Variants in MYH6 observed in about 807,000 individuals in gnomAD.
MYH6 encodes the protein myosin heavy chain 6.
MYH6 carries 126 observed loss-of-function variants against 223.2 expected under a neutral mutation model. The observed-to-expected ratio is 0.56, with a 90% CI of 0.49 to 0.65. MYH6 has a LOEUF of 0.65. MYH6 is among the 30% of genes least tolerant of loss of function. The probability of loss-of-function intolerance (pLI) is 0.00; values close to 1 mark genes in which losing one functional copy is unlikely to be tolerated. For synonymous variants in MYH6, 978 were observed against 1,010.2 expected (o/e 0.97, Z 0.61); for missense variants, 2,040 against 2,536.4 (o/e 0.80, Z 4.20).
Position 23,398,708 on chromosome 14 carries a change from T to G in MYH6, c.1891+20A>C. On this transcript the variant is annotated intron_variant, in intron 15 of 38. Transcript: ENST00000405093. Reference sequence around the variant, plus strand: ...TGTCTTCAGAAGTCCCCTGGCCCAGTGCAGGGGCTGCCTGCTTACCAGTAT... The same window carrying G: ...TGTCTTCAGAAGTCCCCTGGCCCAGGGCAGGGGCTGCCTGCTTACCAGTAT... 1.2e-6 allele frequency: 2 copies of G among 1,613,636 alleles called. No homozygotes were observed. The highest frequency in any genetic ancestry group is 1.1e-5 in the South Asian group (1 of 91,058).
chr14:23,404,038 T>C (rs923828812), intron 8 of MYH6, among the ~76,000 whole-genome samples: 3 of 152,150 alleles, frequency 2.0e-5, no homozygotes, highest in African/African-American at 7.2e-5. Context: ...CACCTAATCC[T>C]CCCAGTAATC....
In MYH6 at chr14:23,398,715, G is replaced by A. The variant is rs780778691; in HGVS notation, c.1891+13C>T. ...AGAAGTCCCCTGGCCCAGTGCAGGG[G>A]CTGCCTGCTTACCAGTATCGGCAGT... On this transcript the variant is annotated intron_variant, in intron 15 of 38. Transcript: ENST00000405093. 5.6e-6 allele frequency: 9 copies of A among 1,613,816 alleles called. No individual in the cohort carries two copies. The highest frequency in any genetic ancestry group is 7.6e-6 in the Non-Finnish European group (9 of 1,179,804).
In MYH6 at chr14:23,392,658, G is replaced by T; in HGVS notation, c.3252-6C>A. On this transcript the variant is annotated splice_polypyrimidine_tract_variant and splice_region_variant and intron_variant, in intron 24 of 38. Transcript: ENST00000405093. ...GATTAATGTCAAACTCCTTCCTGCA[G>T]GAGAAGGGTGGGGGTGGGGGAGTGA... The T allele has an allele frequency of 7.0e-7, 1 of 1,429,810 alleles. No individual in the cohort carries two copies. The allele number at this position is 1,429,810 out of a possible 1,614,324, so 88.6% of individuals were successfully genotyped here.
chr14:23,387,427 A>G (rs1891063432), intron 32 of MYH6, 102 bp downstream of exon 32: 1 of 1,559,574 alleles, frequency 6.4e-7, no homozygotes. Context: ...AGAATATGGA[A>G]TGAATAGATT....
chr14:23,390,477 C>T (rs774806658), intron 25 of MYH6, 31 bp from the exon 26 acceptor site: 60 of 1,607,412 alleles, frequency 3.7e-5, no homozygotes, highest in Middle Eastern at 1.7e-4. Context: ...TCAGACCCAC[C>T]GCCTGGACCC....
At position 23,386,022 on chromosome 14, in the gene MYH6, A is replaced by G. The variant is rs1421693475; in HGVS notation, c.5069T>C (p.Leu1690Pro). The G allele has an allele frequency of 1.2e-6, 2 of 1,614,144 alleles. No individual in the cohort carries two copies. Among genetic ancestry groups the G allele is most frequent in the Admixed American group, 1.7e-5 (1 of 60,020 alleles). ...NNLLQAELEE[L>P]RAVVEQTERS... ...CTCTGTCTGCTCCACCACGGCACGCAGCTCCTCCAGCTCAGCCTGCAGCAG... is the reference window on the plus strand; with the variant it reads ...CTCTGTCTGCTCCACCACGGCACGCGGCTCCTCCAGCTCAGCCTGCAGCAG... The change falls in exon 34 of 39, where the codon CTG (leucine) becomes CCG (proline). Residue 1690 changes from leucine (L) to proline (P), a missense_variant. Physicochemically the swap from Leu to Pro is moderately conservative, Grantham distance 98 (BLOSUM62 -3). Around this residue, in one of 4 missense-constraint regions of MYH6, gnomAD observed 1,203 missense variants for 1,400.2 expected, o/e 0.86. Coordinates refer to ENST00000405093, the MANE Select transcript of MYH6 (RefSeq NM_002471.4).
chr14:23,404,861 A>G (rs377483248), intron 6 of MYH6, 39 bp from the exon 7 acceptor site: 27 of 1,584,868 alleles, frequency 1.7e-5, no homozygotes, highest in Non-Finnish European at 2.3e-5. Context: ...CAGGATTCCT[A>G]CTGTTCTCCA....
chr14:23,389,369 C>T (rs370602992), intron 28 of MYH6, 24 bp downstream of exon 28: 8 of 1,611,120 alleles, frequency 5.0e-6, no homozygotes, highest in African/African-American at 1.3e-5. Context: ...ATCAAGCCTG[C>T]CCACCCTCCC....
In MYH6 at chr14:23,397,215, G is replaced by A; in HGVS notation, c.2005C>T (p.Pro669Ser). ...GGGATGATGCAACGCACAAAGTGAG[G>A]ATGGGTGGTCCTCAGGTTGGTCATT... ...KLMTNLRTTHPHFVRCIIPNE... is the reference protein window; with the variant it reads ...KLMTNLRTTHSHFVRCIIPNE... The change falls in exon 17 of 39, where the codon CCT (proline) becomes TCT (serine). Residue 669 changes from proline (P) to serine (S), a missense_variant. By Grantham distance (74) the Pro-to-Ser change is moderately conservative. This residue lies in a region of MYH6 where 649 missense variants were observed against 877.3 expected (regional missense o/e 0.74). Transcript: ENST00000405093. 1 of 1,614,256 alleles carries A rather than the reference G, an allele frequency of 6.2e-7. No individual in the cohort carries two copies.
chr14:23,404,611 G>C, intron 7 of MYH6, 100 bp downstream of exon 7: 4 of 1,238,782 alleles, frequency 3.2e-6, no homozygotes. Flanking sequence ...AGCTCAGTGT[G>C]GCTGTCCCCA....
chr14:23,403,956 C>T (rs1216975158), intron 8 of MYH6, among the ~76,000 whole-genome samples, 178 bp from the exon 9 acceptor site: 1 of 152,162 alleles, frequency 6.6e-6, no homozygotes, highest in African/African-American at 2.4e-5. Flanking sequence ...TGTGCAGGGA[C>T]CTCCTAGTGG....
At position 23,386,171 on chromosome 14, in the gene MYH6, C is replaced by T. The variant is rs382823; in HGVS notation, c.4960-40G>A. The T allele has an allele frequency of 6.3e-5, 101 of 1,613,756 alleles. 1 individual carries two copies. Among genetic ancestry groups the T allele is most frequent in the South Asian group, 1.1e-4 (10 of 91,046 alleles). The stretch of plus-strand genomic sequence containing the variant: ...AGTGGGTGTGAGCAGAAGCCAGCCT[C>T]GGTGCCCTTCACTGAGGGCACCTGT... On this transcript the variant is annotated intron_variant, in intron 33 of 38. Transcript: ENST00000405093.
intron 25 of MYH6, among the ~76,000 whole-genome samples, 168 bp from the exon 26 acceptor site, chr14:23,390,614 G>A (rs1371906876): frequency 6.6e-6 from 1 of 152,150 alleles, no homozygotes; most frequent in East Asian, 1.9e-4. Flanking sequence ...GTCATGTCTT[G>A]GTGGGGCTTG....
In MYH6 at chr14:23,405,708, C is replaced by T; in HGVS notation, c.264G>A (p.Glu88=). The change falls in exon 4 of 39, where the codon GAG becomes GAA. Residue 88 remains glutamate (E), a synonymous_variant. Transcript: ENST00000405093. This position sits in a 1 kb window ranked among gnomAD's most constrained non-coding sequence, Gnocchi z 4.7. ...QQNPPKFDKI[E]DMAMLTFLHE... ...GCAGGAAGGTCAGCATGGCCATGTC[C>T]TCAATCTTGTCGAACTTGGGTGGGT... The T allele has an allele frequency of 6.2e-7, 1 of 1,614,184 alleles. No homozygotes were observed.
intron 28 of MYH6, 146 bp downstream of exon 28, chr14:23,389,247 T>C (rs1891150509): frequency 2.6e-6 from 3 of 1,166,048 alleles, no homozygotes; most frequent in Non-Finnish European, 2.5e-6. Context: ...AGGCATTAAA[T>C]GACGCTTAGC....
chr14:23,388,744 C>G (rs747002892), intron 29 of MYH6, 115 bp downstream of exon 29: 1 of 1,475,120 alleles, frequency 6.8e-7, no homozygotes, highest in Admixed American at 1.7e-5. Flanking sequence ...TGTTGCCCTC[C>G]GAGTTCCTCC....
At position 23,400,908 on chromosome 14, in the gene MYH6, C is replaced by G; in HGVS notation, c.1211G>C (p.Arg404Pro). 1 of 1,614,236 alleles carries G rather than the reference C, an allele frequency of 6.2e-7. No homozygotes were observed. ...ADLLKGLCHPRVKVGNEYVTK... is the reference protein window; with the variant it reads ...ADLLKGLCHPPVKVGNEYVTK... ...GACATACTCGTTGCCCACTTTCACC[C>G]GAGGGTGGCACAGCCCCTTGAGCAG... The change falls in exon 13 of 39, where the codon CGG becomes CCG. Residue 404 changes from arginine to proline, a missense_variant. Around this residue, in one of 4 missense-constraint regions of MYH6, gnomAD observed 649 missense variants for 877.3 expected, o/e 0.74. Transcript: ENST00000405093.
rs1891686776 is a variant in MYH6, at chr14:23,403,763, T to G, written c.751A>C (p.Ile251Leu). ...AGCTTTCCAGTGGCCCCAAAGTGGA[T>G]CCTAATGAATTTCCCCTGGGGACGA... ...NSSRFGKFIR[I>L]HFGATGKLAS... The change falls in exon 9 of 39, where the codon ATC becomes CTC. Residue 251 changes from isoleucine (I) to leucine (L), a missense_variant. Coordinates refer to ENST00000405093, the MANE Select transcript of MYH6 (RefSeq NM_002471.4). 6.2e-7 allele frequency: 1 copy of G among 1,612,216 alleles called. No homozygotes were observed. The highest frequency in any genetic ancestry group is 8.5e-7 in the Non-Finnish European group (1 of 1,179,190).
At chr14:23,397,947 T>C (rs960357147) in intron 15 of MYH6, among the ~76,000 whole-genome samples, 1,099 of 70,572 alleles carry the variant, frequency 0.016, 6 homozygotes, top group African/African-American at 0.037. Context: ...CTTCTTCTTC[T>C]TCTTCTTCTT....
Sources: allele counts gnomAD v4.1 joint callset (sites outside exome capture counted in the v4.1 genomes callset), GRCh38; gene constraint gnomAD v4.1.1; regional missense constraint gnomAD v4.1.1; non-coding constraint Gnocchi (gnomAD v3.1); transcripts MANE v1.5; gene names NCBI Gene and HGNC (gene_info 2026-07-23, HGNC 2026-07-21).